Variants in MGA observed in about 807,000 individuals in gnomAD.
MGA encodes MAX gene-associated protein.
A neutral mutation model predicts 261.1 loss-of-function variants in MGA; 40 were observed. The observed-to-expected ratio is 0.15, with a 90% CI of 0.12 to 0.20. MGA has a LOEUF of 0.20. Among genes scored for constraint, MGA ranks in the 10% least tolerant of loss-of-function variants. The pLI, the probability that MGA is intolerant of heterozygous loss-of-function variation, is 1.00. For missense variants in MGA, 3,397 were observed against 3,630.5 expected, an observed-to-expected ratio of 0.94 and a Z score of 1.65; for synonymous variants, 1,302 against 1,290.6, an observed-to-expected ratio of 1.01 and a Z score of -0.19.
chr15:41,662,618 A>G (rs1260991907), intron 1 of MGA, among the ~76,000 whole-genome samples: 1 of 152,204 alleles, frequency 6.6e-6, no homozygotes. Context: ...GAAAGTATTA[A>G]TAGTTGGCTA....
At chr15:41,718,677 C>A in intron 9 of MGA, 1 of 258,420 alleles carries the variant, frequency 3.9e-6, no homozygotes, top group South Asian at 1.6e-4. Flanking sequence ...TGTTCAAGCT[C>A]CACCTGATTA....
At chr15:41,675,328 A>C (rs1285993947) in intron 2 of MGA, among the ~76,000 whole-genome samples, 2 of 150,864 alleles carry the variant, frequency 1.3e-5, no homozygotes, top group Non-Finnish European at 3.0e-5. Context: ...GTTTTTAGCT[A>C]TTCTGGTTTC....
intron 1 of MGA, among the ~76,000 whole-genome samples, chr15:41,644,114 C>T (rs907977336): frequency 6.6e-6 from 1 of 151,836 alleles, no homozygotes; most frequent in Non-Finnish European, 1.5e-5. Context: ...TTTTTTCATC[C>T]TCTGTGAATT....
chr15:41,712,325 C>T (rs1343405689), intron 8 of MGA, among the ~76,000 whole-genome samples: 1 of 152,130 alleles, frequency 6.6e-6, no homozygotes, highest in African/African-American at 2.4e-5. Flanking sequence ...GTCCTCCCAC[C>T]TTAGCCTCCT....
At chr15:41,733,803 A>T (rs2061635603) in intron 11 of MGA, among the ~76,000 whole-genome samples, 1 of 152,232 alleles carries the variant, frequency 6.6e-6, no homozygotes, top group African/African-American at 2.4e-5. Flanking sequence ...AGAGGATTTG[A>T]TAAATTAAAA....
intron 1 of MGA, among the ~76,000 whole-genome samples, chr15:41,641,177 A>G (rs1053037458): frequency 2.6e-5 from 4 of 152,294 alleles, no homozygotes; most frequent in Middle Eastern, 3.4e-3. Context: ...ATTCATTTTT[A>G]TGGCTGAATA....
At chr15:41,652,192 C>T (rs565826028) in intron 1 of MGA, among the ~76,000 whole-genome samples, 1 of 150,134 alleles carries the variant, frequency 6.7e-6, no homozygotes, top group Non-Finnish European at 1.5e-5. Context: ...CCAGGATGGT[C>T]TCAATCTCCT....
intron 1 of MGA, among the ~76,000 whole-genome samples, chr15:41,649,662 C>T (rs1241250757): frequency 6.6e-6 from 1 of 151,910 alleles, no homozygotes; most frequent in Non-Finnish European, 1.5e-5. Context: ...TCATCTTCCA[C>T]ACCATCTTGT....
At position 41,766,039 on chromosome 15, in the gene MGA, A is replaced by G. The variant is rs1238464473; in HGVS notation, c.7957A>G (p.Asn2653Asp). 6.2e-7 allele frequency: 1 copy of G among 1,612,568 alleles called. No homozygotes were observed. Among genetic ancestry groups the G allele is most frequent in the South Asian group, 1.1e-5 (1 of 90,892 alleles). The stretch of plus-strand genomic sequence containing the variant: ...CTTATTTATGATGCCACGAATTGTT[A>G]ATGTGACATCATTGGCCACAGAGGG... The change falls in exon 24 of 24, where the codon AAT becomes GAT. Residue 2653 changes from asparagine (N) to aspartate (D), a missense_variant. Asn to Asp is a conservative substitution (Grantham distance 23). Coordinates refer to ENST00000219905, the MANE Select transcript of MGA (RefSeq NM_001164273.2).
intron 9 of MGA, 86 bp from the exon 10 acceptor site, chr15:41,727,093 AG>A: frequency 1.0e-6 from 1 of 963,764 alleles, no homozygotes. Context: ...GCCTTTTGTG[AG>A]GGAGCGTATT....
At chr15:41,651,314 G>A (rs928091142) in intron 1 of MGA, among the ~76,000 whole-genome samples, 7 of 152,158 alleles carry the variant, frequency 4.6e-5, no homozygotes, top group South Asian at 2.1e-4. Context: ...ATCTTACTTC[G>A]TTTTAATTTT....
intron 2 of MGA, among the ~76,000 whole-genome samples, chr15:41,682,162 C>G (rs1429976770): frequency 6.6e-6 from 1 of 152,132 alleles, no homozygotes; most frequent in African/African-American, 2.4e-5. Context: ...GGTGATCTGC[C>G]TGCCTCAGCC....
intron 2 of MGA, among the ~76,000 whole-genome samples, chr15:41,678,703 G>T (rs2058512322): frequency 6.6e-6 from 1 of 151,182 alleles, no homozygotes; most frequent in African/African-American, 2.4e-5. Flanking sequence ...GGAGGCGGAG[G>T]TTGCAGTGAG....
At chr15:41,680,901 A>G (rs1478087291) in intron 2 of MGA, among the ~76,000 whole-genome samples, 1 of 152,204 alleles carries the variant, frequency 6.6e-6, no homozygotes, top group Non-Finnish European at 1.5e-5. Context: ...GAGCTGGCTC[A>G]GAGTCCCAGT....
At chr15:41,726,430 T>G (rs1222302860) in intron 9 of MGA, among the ~76,000 whole-genome samples, 1 of 152,208 alleles carries the variant, frequency 6.6e-6, no homozygotes, top group Non-Finnish European at 1.5e-5. Flanking sequence ...TAAAGTGTGG[T>G]TAAAAGTTAT....
chr15:41,764,286 C>G (rs996156617), intron 22 of MGA, among the ~76,000 whole-genome samples: 24 of 137,968 alleles, frequency 1.7e-4, no homozygotes, highest in Admixed American at 3.1e-4. Flanking sequence ...CGGAGTCTCG[C>G]TCTGTTGCCC....
At chr15:41,638,817 A>G (rs1319142485) in intron 1 of MGA, among the ~76,000 whole-genome samples, 1 of 147,124 alleles carries the variant, frequency 6.8e-6, no homozygotes, top group Non-Finnish European at 1.5e-5. Flanking sequence ...CAGCCTCCCT[A>G]TTAGCTGAGA....
upstream of MGA, among the ~76,000 whole-genome samples, chr15:41,656,339 C>G (rs988278040): frequency 6.9e-5 from 3 of 43,530 alleles, no homozygotes; most frequent in African/African-American, 1.4e-4. Context: ...TCTCCCTCTC[C>G]TCTCTTCTCT....
Position 41,766,769 on chromosome 15 carries a change from C to CT in MGA, c.8688dup (p.Ile2897TyrfsTer12), listed in dbSNP as rs778316231. On this transcript the variant is annotated frameshift_variant, in exon 24 of 24. Transcript: ENST00000219905. LOFTEE classifies it high-confidence loss of function. ...CCTGATGTTCAAGGGGAGAGTGACT[C>CT]TATCAGTCCCCTCCTCTTGCACTTG... 2 of 1,613,992 alleles carry CT rather than the reference C, an allele frequency of 1.2e-6. No individual in the cohort carries two copies. The highest frequency in any genetic ancestry group is 1.7e-6 in the Non-Finnish European group (2 of 1,179,890).
Sources: gnomAD v4.1 joint callset for allele counts (sites outside exome capture counted in the v4.1 genomes callset) on GRCh38, gnomAD v4.1.1 for gene constraint, MANE v1.5 for transcripts, NCBI Gene and HGNC (gene_info 2026-07-23, HGNC 2026-07-21) for gene names.